Variants in KALRN observed in about 807,000 individuals in gnomAD.
The protein encoded by KALRN is kalirin.
A neutral mutation model predicts 353.7 loss-of-function variants in KALRN; 70 were observed. The observed-to-expected ratio is 0.20, with a 90% CI of 0.16 to 0.24. The LOEUF (loss-of-function observed/expected upper bound fraction) is 0.24. Ranked by LOEUF, KALRN falls within the 10% of genes least tolerant of loss-of-function variation. KALRN has a pLI of 1.00. For synonymous variants in KALRN, 1,391 were observed against 1,434.8 expected (o/e 0.97, Z 0.69); for missense variants, 2,791 against 3,756.7 (o/e 0.74, Z 6.72).
intron 34 of KALRN, among the ~76,000 whole-genome samples, chr3:124,627,707 A>G (rs1468377551): frequency 4.6e-5 from 7 of 152,232 alleles, no homozygotes; most frequent in South Asian, 4.1e-4. Flanking sequence ...CCCTGCTTCT[A>G]TTACCAGTGT....
intron 1 of KALRN, among the ~76,000 whole-genome samples, chr3:124,222,598 T>G (rs2078041351): frequency 6.6e-6 from 1 of 152,166 alleles, no homozygotes; most frequent in African/African-American, 2.4e-5. Context: ...TGGGTTTTTT[T>G]GTGTGTGTGG....
At chr3:124,225,789 C>T (rs894743634) in intron 1 of KALRN, among the ~76,000 whole-genome samples, 1 of 152,078 alleles carries the variant, frequency 6.6e-6, no homozygotes, top group Non-Finnish European at 1.5e-5. Flanking sequence ...AACTAGGACC[C>T]TCTTGTGTAC....
intron 1 of KALRN, among the ~76,000 whole-genome samples, chr3:124,192,625 C>G (rs1479108649): frequency 1.3e-5 from 2 of 152,154 alleles, no homozygotes; most frequent in Non-Finnish European, 2.9e-5. Flanking sequence ...ATCCAAACAT[C>G]TCACATACCC....
chr3:124,322,474 G>A (rs2079437410), intron 6 of KALRN, among the ~76,000 whole-genome samples: 1 of 152,180 alleles, frequency 6.6e-6, no homozygotes, highest in South Asian at 2.1e-4. Context: ...ATTGAAGGCT[G>A]GCAGGGAAGA....
At chr3:124,359,973 G>T (rs950888987) in intron 10 of KALRN, among the ~76,000 whole-genome samples, 1 of 152,222 alleles carries the variant, frequency 6.6e-6, no homozygotes, top group African/African-American at 2.4e-5. Context: ...ATCATCAAGC[G>T]TTAAGTGTTA....
At chr3:124,463,350 G>T in intron 25 of KALRN, among the ~76,000 whole-genome samples, 1 of 152,214 alleles carries the variant, frequency 6.6e-6, no homozygotes, top group African/African-American at 2.4e-5. Context: ...TCAGGACCCT[G>T]CTGCAGAGCA....
intron 1 of KALRN, among the ~76,000 whole-genome samples, chr3:124,192,184 C>CA (rs1260445807): frequency 6.6e-6 from 1 of 152,276 alleles, no homozygotes; most frequent in African/African-American, 2.4e-5. Context: ...TTAGAGTGAG[C>CA]CCTAATCTGA....
intron 39 of KALRN, 71 bp from the exon 40 acceptor site, chr3:124,657,377 G>A (rs1033356420): frequency 5.2e-5 from 52 of 1,005,694 alleles, no homozygotes; most frequent in South Asian, 2.9e-4. Flanking sequence ...CAGGGGTGCT[G>A]TGGTGTGTGG....
chr3:124,136,764 A>C lies in KALRN; in HGVS notation c.74-91226A>C, dbSNP rs58674736. On this transcript the variant is annotated intron_variant, in intron 1 of 59. Coordinates refer to ENST00000682506, the MANE Select transcript of KALRN (RefSeq NM_001388419.1). ...ATCCTAGAATCCTAATCCAGGACAC[A>C]GATTCCTAGTGCAGAGTGTGACCTG... Among the ~76,000 whole-genome samples the C allele has an allele frequency of 2.4e-3, 369 of 152,344 alleles. 1 individual carries two copies. The highest frequency in any genetic ancestry group is 0.013 in the East Asian group (67 of 5,186).
chr3:124,455,276 G>A lies in KALRN; in HGVS notation c.3652G>A (p.Val1218Met), dbSNP rs1381138640. Reference sequence around the variant, plus strand: ...GGAGATAAGGAAATGGGTGACCACGGTGGACAAGCACTACAGAGATTTCTC... The same window carrying A: ...GGAGATAAGGAAATGGGTGACCACGATGGACAAGCACTACAGAGATTTCTC... ...ATEIRKWVTT[V>M]DKHYRDFSLR... The change falls in exon 22 of 60, where the codon GTG becomes ATG. Residue 1218 changes from valine to methionine, a missense_variant. Val to Met is a conservative substitution (Grantham distance 21). Coordinates refer to ENST00000682506, the MANE Select transcript of KALRN (RefSeq NM_001388419.1). 1 of 1,614,180 alleles carries A rather than the reference G, an allele frequency of 6.2e-7. No homozygotes were observed. The highest frequency in any genetic ancestry group is 1.1e-5 in the South Asian group (1 of 91,086).
At chr3:124,131,750 A>C (rs2065313168) in intron 1 of KALRN, among the ~76,000 whole-genome samples, 1 of 152,150 alleles carries the variant, frequency 6.6e-6, no homozygotes, top group Admixed American at 6.5e-5. Flanking sequence ...ACATGCTTAG[A>C]ATGATGGTTC....
rs138384362 is a variant in KALRN, at chr3:124,390,772, G to A, written c.1963-4363G>A. Among the ~76,000 whole-genome samples the A allele has an allele frequency of 2.9e-4, 44 of 152,284 alleles. No individual in the cohort carries two copies. The East Asian group carries it at 5.4e-3, about 19-fold the overall frequency. On this transcript the variant is annotated intron_variant, in intron 11 of 59. Transcript: ENST00000682506. ...TGAAACAGCCAATCAGCAGGAGAAA[G>A]TGATGAAATTAAATGACCTCTTTCC...
chr3:124,393,993 A>G (rs1029514841), intron 11 of KALRN, among the ~76,000 whole-genome samples: 1 of 152,226 alleles, frequency 6.6e-6, no homozygotes, highest in Non-Finnish European at 1.5e-5. Context: ...TCGATGAAAT[A>G]ATATTCTTGA....
chr3:124,458,333 C>T (rs1040833872), intron 23 of KALRN, among the ~76,000 whole-genome samples: 8 of 146,982 alleles, frequency 5.4e-5, no homozygotes, highest in South Asian at 2.2e-4. Context: ...TTTTCCCTTT[C>T]GTTTCCCTTC....
At chr3:124,230,729 CT>C (rs2079049574) in intron 2 of KALRN, among the ~76,000 whole-genome samples, 2 of 151,930 alleles carry the variant, frequency 1.3e-5, no homozygotes, top group Admixed American at 1.3e-4. Flanking sequence ...GTGCCAGAAA[CT>C]TCTGGGCTTA....
At chr3:124,232,121 A>G (rs759460157) in intron 2 of KALRN, among the ~76,000 whole-genome samples, 56 of 152,182 alleles carry the variant, frequency 3.7e-4, no homozygotes, top group Non-Finnish European at 6.9e-4. Context: ...TCATCATCCA[A>G]TAGAACATCT....
At chr3:124,194,246 T>C (rs910372311) in intron 1 of KALRN, among the ~76,000 whole-genome samples, 1 of 152,216 alleles carries the variant, frequency 6.6e-6, no homozygotes, top group Non-Finnish European at 1.5e-5. Context: ...CGATGTGGGC[T>C]GGACTTGTCC....
chr3:124,463,761 T>A (rs1338090029), intron 25 of KALRN, among the ~76,000 whole-genome samples: 1 of 152,154 alleles, frequency 6.6e-6, no homozygotes, highest in Non-Finnish European at 1.5e-5. Flanking sequence ...TAGGTCCAGA[T>A]AAGGGGTGGA....
At chr3:124,288,319 G>A (rs1176236244) in intron 5 of KALRN, among the ~76,000 whole-genome samples, 1 of 152,196 alleles carries the variant, frequency 6.6e-6, no homozygotes, top group Non-Finnish European at 1.5e-5. Flanking sequence ...GGCATCAGGA[G>A]GAGATGAGAC....
Sources: allele counts gnomAD v4.1 joint callset (sites outside exome capture counted in the v4.1 genomes callset), GRCh38; gene constraint gnomAD v4.1.1; transcripts MANE v1.5; gene names NCBI Gene and HGNC (gene_info 2026-07-23, HGNC 2026-07-21).